Variants in PAPPA2 observed in about 807,000 individuals in gnomAD.
PAPPA2 encodes pappalysin 2, also known as pappalysin-2.
Under a neutral mutation model 176.4 loss-of-function variants are expected in PAPPA2, and 86 were observed. That is an observed-to-expected ratio of 0.49 (90% confidence interval 0.41 to 0.58). PAPPA2 has a LOEUF of 0.58. PAPPA2 is among the 20% of genes least tolerant of loss of function. PAPPA2 has a pLI of 0.00. For missense variants in PAPPA2, 2,073 were observed against 2,256.9 expected (o/e 0.92, Z 1.65); for synonymous variants, 809 against 852.2 (o/e 0.95, Z 0.88).
At chr1:176,738,197 C>A (rs1464232219) in intron 12 of PAPPA2, among the ~76,000 whole-genome samples, 1 of 151,916 alleles carries the variant, frequency 6.6e-6, no homozygotes, top group Non-Finnish European at 1.5e-5. Flanking sequence ...CAAGTGTAAT[C>A]TTGGGTCTGG....
intron 3 of PAPPA2, among the ~76,000 whole-genome samples, chr1:176,612,424 C>T (rs947163141): frequency 2.6e-5 from 4 of 151,822 alleles, no homozygotes; most frequent in African/African-American, 7.3e-5. Flanking sequence ...AAAACAACAA[C>T]GACAGCAAAA....
chr1:176,599,535 T>C (rs1654187212), intron 3 of PAPPA2, among the ~76,000 whole-genome samples: 1 of 150,536 alleles, frequency 6.6e-6, no homozygotes, highest in African/African-American at 2.4e-5. Flanking sequence ...GAGATTTCTT[T>C]GAGTCTATCT....
chr1:176,518,452 T>TAAAAAAAAAAAAAAAAAA, intron 1 of PAPPA2, among the ~76,000 whole-genome samples: 1 of 121,740 alleles, frequency 8.2e-6, no homozygotes, highest in Non-Finnish European at 1.8e-5. Context: ...GCTTGACAGG[T>TAAAAAAAAAAAAAAAAAA]AAAAAAAAAA....
At chr1:176,768,287 G>A (rs1255609752) in intron 15 of PAPPA2, among the ~76,000 whole-genome samples, 3 of 151,732 alleles carry the variant, frequency 2.0e-5, no homozygotes, top group African/African-American at 7.3e-5. Flanking sequence ...GGCCAATCCT[G>A]TATTACCTAT....
chr1:176,644,929 A>G (rs1401213709), intron 3 of PAPPA2, among the ~76,000 whole-genome samples: 1 of 151,828 alleles, frequency 6.6e-6, no homozygotes, highest in Non-Finnish European at 1.5e-5. Context: ...CAGCGCCACA[A>G]GTACTTCTGA....
chr1:176,683,103 G>A (rs1462101128), intron 4 of PAPPA2, among the ~76,000 whole-genome samples: 1 of 151,648 alleles, frequency 6.6e-6, no homozygotes, highest in Non-Finnish European at 1.5e-5. Context: ...TGAGCCACTT[G>A]GGCATTCATG....
At chr1:176,591,748 G>A (rs1327650045) in intron 2 of PAPPA2, among the ~76,000 whole-genome samples, 1 of 151,976 alleles carries the variant, frequency 6.6e-6, no homozygotes, top group Non-Finnish European at 1.5e-5. Context: ...TTAGTTTGCT[G>A]AATTAATGAA....
chr1:176,544,630 A>G (rs968223385), intron 1 of PAPPA2, among the ~76,000 whole-genome samples: 12 of 152,180 alleles, frequency 7.9e-5, no homozygotes, highest in Non-Finnish European at 4.4e-5. Flanking sequence ...ATGTCCTACA[A>G]TTCAATTCAA....
chr1:176,731,763 A>T (rs1382950538), intron 12 of PAPPA2, among the ~76,000 whole-genome samples: 1 of 151,874 alleles, frequency 6.6e-6, no homozygotes, highest in Non-Finnish European at 1.5e-5. Context: ...ATACGCATAC[A>T]CATTGTGAAA....
chr1:176,526,021 G>A (rs545507681), intron 1 of PAPPA2, among the ~76,000 whole-genome samples: 34 of 152,312 alleles, frequency 2.2e-4, no homozygotes, highest in African/African-American at 7.5e-4. Context: ...GTGACCTGAA[G>A]CTCTTGAGGC....
At chr1:176,574,855 T>C (rs1285127984) in intron 2 of PAPPA2, among the ~76,000 whole-genome samples, 1 of 152,204 alleles carries the variant, frequency 6.6e-6, no homozygotes, top group African/African-American at 2.4e-5. Flanking sequence ...GATACACAAA[T>C]ACCATTTGTT....
At chr1:176,609,143 G>A (rs1216377757) in intron 3 of PAPPA2, among the ~76,000 whole-genome samples, 4 of 152,150 alleles carry the variant, frequency 2.6e-5, no homozygotes, top group Non-Finnish European at 1.5e-5. Flanking sequence ...AATTATTTTT[G>A]CACAGTGAAA....
At chr1:176,710,673 G>T (rs1483796975) in intron 11 of PAPPA2, among the ~76,000 whole-genome samples, 2 of 152,036 alleles carry the variant, frequency 1.3e-5, no homozygotes, top group Non-Finnish European at 2.9e-5. Context: ...ACAACTCTTG[G>T]GACCTATTCT....
intron 14 of PAPPA2, 84 bp downstream of exon 14, chr1:176,740,280 G>T: frequency 7.5e-7 from 1 of 1,326,466 alleles, no homozygotes. Context: ...TATGTATAGA[G>T]TGTTTGCTCA....
intron 17 of PAPPA2, among the ~76,000 whole-genome samples, chr1:176,775,196 A>T (rs1571309422): frequency 6.6e-6 from 1 of 152,140 alleles, no homozygotes; most frequent in African/African-American, 2.4e-5. Flanking sequence ...ATAGACCATG[A>T]ATATTTTGCT....
intron 1 of PAPPA2, among the ~76,000 whole-genome samples, chr1:176,496,511 T>A (rs1481704448): frequency 6.6e-6 from 1 of 152,122 alleles, no homozygotes; most frequent in Admixed American, 6.5e-5. Flanking sequence ...CGAGTGTTCC[T>A]TTACGAGGCC....
chr1:176,523,787 C>G (rs1161365741), intron 1 of PAPPA2, among the ~76,000 whole-genome samples: 1 of 152,058 alleles, frequency 6.6e-6, no homozygotes, highest in Non-Finnish European at 1.5e-5. Context: ...AAGTTGATGC[C>G]CCTGTGGAAA....
chr1:176,792,064 G>A (rs1219148583), intron 19 of PAPPA2, among the ~76,000 whole-genome samples: 1 of 152,206 alleles, frequency 6.6e-6, no homozygotes, highest in Admixed American at 6.5e-5. Flanking sequence ...ATTCTCTGTG[G>A]TTGTTACTGG....
intron 14 of PAPPA2, among the ~76,000 whole-genome samples, chr1:176,758,811 A>G (rs1051808144): frequency 6.6e-6 from 1 of 152,216 alleles, no homozygotes; most frequent in African/African-American, 2.4e-5. Context: ...TGAGTTCTCT[A>G]CCACATCCTG....
Sources: allele counts gnomAD v4.1 joint callset (sites outside exome capture counted in the v4.1 genomes callset), GRCh38; gene constraint gnomAD v4.1.1; transcripts MANE v1.5; gene names NCBI Gene and HGNC (gene_info 2026-07-23, HGNC 2026-07-21).